NRG1: variants seen among roughly 807,000 people sequenced by gnomAD.
NRG1 encodes pro-neuregulin-1, membrane-bound isoform.
In NRG1, 18 loss-of-function variants were observed where a neutral mutation model predicts 63.8. That is an observed-to-expected ratio of 0.28 (90% CI 0.19 to 0.42). NRG1 has a LOEUF of 0.42. Ranked by LOEUF, NRG1 falls within the 10% of genes least tolerant of loss-of-function variation. The probability of loss-of-function intolerance (pLI) is 1.00; values close to 1 mark genes in which losing one functional copy is unlikely to be tolerated. For missense variants in NRG1, 762 were observed against 814.7 expected, an observed-to-expected ratio of 0.94 and a Z score of 0.79; for synonymous variants, 302 against 301.3, an observed-to-expected ratio of 1.00 and a Z score of -0.02.
intron 1 of NRG1, among the ~76,000 whole-genome samples, chr8:32,219,026 G>A (rs1208409220): frequency 6.6e-6 from 1 of 152,170 alleles, no homozygotes; most frequent in African/African-American, 2.4e-5. Context: ...GAAATATTTG[G>A]TAGTGTGGAT....
At chr8:32,144,306 CG>C (rs1473848475) in intron 1 of NRG1, among the ~76,000 whole-genome samples, 1 of 152,140 alleles carries the variant, frequency 6.6e-6, no homozygotes, top group Non-Finnish European at 1.5e-5. Context: ...TTTTTAGTTA[CG>C]GATGTCACAA....
intron 1 of NRG1, among the ~76,000 whole-genome samples, chr8:32,081,830 T>A (rs1827505708): frequency 6.6e-6 from 1 of 152,036 alleles, no homozygotes; most frequent in South Asian, 2.1e-4. Flanking sequence ...AGAGAAGAGA[T>A]GTTTCGATCT....
chr8:31,672,874 A>G (rs1229755243), intron 1 of NRG1, among the ~76,000 whole-genome samples: 1 of 152,070 alleles, frequency 6.6e-6, no homozygotes, highest in East Asian at 1.9e-4. Flanking sequence ...CAATCTTTGA[A>G]TAATATATTT....
intron 1 of NRG1, chr8:31,639,943 G>A: frequency 8.9e-7 from 1 of 1,122,270 alleles, no homozygotes; most frequent in Non-Finnish European, 1.1e-6. Flanking sequence ...GAGCCGGGCA[G>A]AGTCCGAACC....
intron 1 of NRG1, among the ~76,000 whole-genome samples, chr8:32,366,677 G>GTGTGTATGTATA (rs1164696498): frequency 1.1e-5 from 1 of 87,522 alleles, no homozygotes; most frequent in African/African-American, 4.6e-5. Flanking sequence ...GTGTGTGTGT[G>GTGTGTATGTATA]TATATATATA....
chr8:32,497,995 G>A (rs1827413200), intron 1 of NRG1, among the ~76,000 whole-genome samples: 1 of 152,014 alleles, frequency 6.6e-6, no homozygotes, highest in South Asian at 2.1e-4. Context: ...GGCTAATTTT[G>A]TAGTTTTAGT....
intron 1 of NRG1, among the ~76,000 whole-genome samples, chr8:31,955,574 C>T (rs1205202460): frequency 1.3e-5 from 2 of 152,182 alleles, no homozygotes; most frequent in Non-Finnish European, 1.5e-5. Context: ...AGAGACACCA[C>T]ATGCTGAAGA....
chr8:31,702,177 G>T (rs1810693832), intron 1 of NRG1, among the ~76,000 whole-genome samples: 1 of 152,184 alleles, frequency 6.6e-6, no homozygotes, highest in African/African-American at 2.4e-5. Flanking sequence ...GTTGGACAGA[G>T]ATCTTTATTT....
intron 1 of NRG1, among the ~76,000 whole-genome samples, chr8:31,687,136 T>C (rs75640669): frequency 1.2e-4 from 18 of 152,268 alleles, no homozygotes; most frequent in Non-Finnish European, 2.6e-4. Context: ...GAAGAGAATA[T>C]TCCTGAAAAA....
At chr8:31,832,250 T>C (rs1462929886) in intron 1 of NRG1, among the ~76,000 whole-genome samples, 1 of 24,246 alleles carries the variant, frequency 4.1e-5, no homozygotes, top group Non-Finnish European at 1.6e-4. Context: ...AATGCTCTAG[T>C]TTTTTTTTTT....
chr8:32,503,403 C>T (rs1454305164), intron 1 of NRG1, among the ~76,000 whole-genome samples: 2 of 150,710 alleles, frequency 1.3e-5, no homozygotes, highest in African/African-American at 2.4e-5. Flanking sequence ...TCATGAATAT[C>T]CGTCATTTAA....
intron 1 of NRG1, among the ~76,000 whole-genome samples, chr8:32,086,176 A>G (rs1447701138): frequency 1.3e-5 from 2 of 152,222 alleles, no homozygotes; most frequent in Non-Finnish European, 2.9e-5. Flanking sequence ...TGTTTTAGCA[A>G]TTTAAAGAAT....
At chr8:31,656,408 T>C (rs183471898) in intron 1 of NRG1, among the ~76,000 whole-genome samples, 1 of 152,282 alleles carries the variant, frequency 6.6e-6, no homozygotes, top group Non-Finnish European at 1.5e-5. Context: ...AGTGAGGACT[T>C]AGGACAGAGT....
intron 1 of NRG1, among the ~76,000 whole-genome samples, chr8:32,541,608 T>A (rs1480294673): frequency 6.6e-6 from 1 of 152,036 alleles, no homozygotes; most frequent in Non-Finnish European, 1.5e-5. Context: ...TTTAACATCA[T>A]TATAAATTTA....
intron 5 of NRG1, among the ~76,000 whole-genome samples, chr8:32,708,928 C>G (rs950554776): frequency 6.6e-6 from 1 of 152,186 alleles, no homozygotes; most frequent in Non-Finnish European, 1.5e-5. Context: ...ACCGCATTAA[C>G]TGCAATATGG....
chr8:32,429,841 A>T (rs1213772733), intron 1 of NRG1, among the ~76,000 whole-genome samples: 1 of 152,164 alleles, frequency 6.6e-6, no homozygotes, highest in African/African-American at 2.4e-5. Context: ...GACCTATACC[A>T]TGACTGATAA....
intron 1 of NRG1, among the ~76,000 whole-genome samples, chr8:31,981,728 G>A (rs541314643): frequency 7.9e-5 from 12 of 152,038 alleles, no homozygotes; most frequent in South Asian, 4.1e-4. Context: ...AATAAAAACA[G>A]CATGGTCATG....
intron 1 of NRG1, among the ~76,000 whole-genome samples, chr8:32,198,351 T>A (rs78971141): frequency 0.011 from 1,719 of 152,230 alleles, 29 homozygotes; most frequent in African/African-American, 0.037. Context: ...CTAATTTTTG[T>A]ATTTTTAGTT....
chr8:31,897,286 A>T (rs1831650054), intron 1 of NRG1, among the ~76,000 whole-genome samples: 1 of 152,074 alleles, frequency 6.6e-6, no homozygotes, highest in African/African-American at 2.4e-5. Context: ...GGCACAGCTG[A>T]CCAGTATTAA....
Sources: gnomAD v4.1 joint callset for allele counts (sites outside exome capture counted in the v4.1 genomes callset) on GRCh38, gnomAD v4.1.1 for gene constraint, MANE v1.5 for transcripts, NCBI Gene and HGNC (gene_info 2026-07-23, HGNC 2026-07-21) for gene names.